VAT1L: variants seen among roughly 807,000 people sequenced by gnomAD.
VAT1L encodes the protein putative NADPH-dependent quinone oxidoreductase VAT1L.
VAT1L carries 34 observed loss-of-function variants against 44.1 expected under a neutral mutation model. The ratio of observed to expected loss-of-function variants is 0.77; its 90% CI spans 0.59 to 1.03. The LOEUF (loss-of-function observed/expected upper bound fraction) is 1.03. Among genes scored for constraint, VAT1L ranks in the 50% least tolerant of loss-of-function variants. The pLI is 0.00. For synonymous variants in VAT1L, 253 were observed against 202.2 expected, an observed-to-expected ratio of 1.25 and a Z score of -2.13; for missense variants, 615 against 538.8, an observed-to-expected ratio of 1.14 and a Z score of -1.40.
At chr16:77,960,949 G>C (rs1457093483) in intron 7 of VAT1L, among the ~76,000 whole-genome samples, 1 of 152,136 alleles carries the variant, frequency 6.6e-6, no homozygotes, top group Non-Finnish European at 1.5e-5. Context: ...ACTTCATTGA[G>C]AGCATGAACT....
intron 7 of VAT1L, among the ~76,000 whole-genome samples, chr16:77,921,356 T>C (rs375769137): frequency 2.0e-5 from 3 of 152,190 alleles, no homozygotes; most frequent in Admixed American, 2.0e-4. Context: ...AGCAGCTCTA[T>C]TGTGTATCTC....
rs535788187 is a variant in VAT1L at position 77,898,557 on chromosome 16, T to C, written c.1077+13755T>C. Among the ~76,000 whole-genome samples the C allele has an allele frequency of 2.6e-5, 4 of 152,276 alleles. No homozygotes were observed. The East Asian group carries it at 7.7e-4, about 29-fold the overall frequency. Reference sequence around the variant, plus strand: ...TGCTTTGCTATCTGTGAAATGAAGATGATAGCAGGGCCTCCTCTGTGGGGT... The same window carrying C: ...TGCTTTGCTATCTGTGAAATGAAGACGATAGCAGGGCCTCCTCTGTGGGGT... On this transcript the variant is annotated intron_variant, in intron 7 of 8. Transcript: ENST00000302536.
Position 77,798,523 on chromosome 16 carries a change from A to G in VAT1L, c.233+9608A>G, listed in dbSNP as rs181069806. Among the ~76,000 whole-genome samples, 41 of 152,328 alleles carry G rather than the reference A, an allele frequency of 2.7e-4. 1 individual carries two copies. Among genetic ancestry groups the G allele is most frequent in the Non-Finnish European group, 2.6e-4 (18 of 68,028 alleles). On this transcript the variant is annotated intron_variant, in intron 1 of 8. Transcript: ENST00000302536. ...TGTTGATACATTTCATATTTGTTGA[A>G]TGAATGAATAAATGAAGTGTGTGTG...
At chr16:77,801,851 T>A (rs555343796) in intron 1 of VAT1L, 1 of 152,336 alleles carries the variant, frequency 6.6e-6, no homozygotes, top group East Asian at 1.9e-4. Flanking sequence ...AATGATTTTC[T>A]AATTGGTTTC....
chr16:77,852,951 A>C (rs538758486), intron 3 of VAT1L, among the ~76,000 whole-genome samples: 1 of 152,296 alleles, frequency 6.6e-6, no homozygotes, highest in East Asian at 1.9e-4. Context: ...ATGAGCTATT[A>C]TTTACAGGGT....
chr16:77,867,546 A>T (rs916850538), intron 4 of VAT1L, among the ~76,000 whole-genome samples: 1 of 152,116 alleles, frequency 6.6e-6, no homozygotes, highest in African/African-American at 2.4e-5. Context: ...TTAGAAACTT[A>T]AAATATCATG....
intron 3 of VAT1L, among the ~76,000 whole-genome samples, chr16:77,844,696 A>C (rs2016741575): frequency 6.6e-6 from 1 of 152,130 alleles, no homozygotes; most frequent in Non-Finnish European, 1.5e-5. Flanking sequence ...GGCGTGAGCC[A>C]CCACATCTGC....
chr16:77,869,464 C>T (rs913477762), intron 4 of VAT1L, among the ~76,000 whole-genome samples: 3 of 152,134 alleles, frequency 2.0e-5, no homozygotes, highest in African/African-American at 7.2e-5. Flanking sequence ...AGCTTGAGGC[C>T]AGGAGTTTGA....
At chr16:77,895,602 C>G (rs1190020205) in intron 7 of VAT1L, among the ~76,000 whole-genome samples, 1 of 152,158 alleles carries the variant, frequency 6.6e-6, no homozygotes, top group Non-Finnish European at 1.5e-5. Context: ...AATTAAGGAG[C>G]CAGCCCTGTT....
chr16:77,904,184 CT>C (rs59219677), intron 7 of VAT1L, among the ~76,000 whole-genome samples: 27,169 of 135,230 alleles, frequency 0.2, 2,640 homozygotes, highest in African/African-American at 0.24. Flanking sequence ...TACTGATTTG[CT>C]TTTTTTTTTT....
At chr16:77,851,204 G>C (rs13333813) in intron 3 of VAT1L, among the ~76,000 whole-genome samples, 8,365 of 152,250 alleles carry the variant, frequency 0.055, 446 homozygotes, top group East Asian at 0.28. Context: ...TGGTAGGGTA[G>C]AGCAGGGGCA....
intron 7 of VAT1L, among the ~76,000 whole-genome samples, chr16:77,955,392 G>A (rs2018091541): frequency 6.6e-6 from 1 of 152,120 alleles, no homozygotes; most frequent in South Asian, 2.1e-4. Context: ...GAGTTATCTG[G>A]GCCAAAATGC....
At chr16:77,811,507 C>G (rs1045772280) in intron 1 of VAT1L, among the ~76,000 whole-genome samples, 1 of 152,100 alleles carries the variant, frequency 6.6e-6, no homozygotes, top group African/African-American at 2.4e-5. Flanking sequence ...GCCTGGTGGT[C>G]AGAACTCAAG....
At chr16:77,829,314 GC>G (rs2016555302) in intron 3 of VAT1L, among the ~76,000 whole-genome samples, 2 of 152,188 alleles carry the variant, frequency 1.3e-5, no homozygotes, top group African/African-American at 4.8e-5. Flanking sequence ...AATAGCTGGG[GC>G]AAAGTTTCCT....
intron 7 of VAT1L, among the ~76,000 whole-genome samples, chr16:77,923,593 T>C (rs940215955): frequency 6.6e-6 from 1 of 152,138 alleles, no homozygotes; most frequent in Admixed American, 6.6e-5. Flanking sequence ...TTCTGTAGAA[T>C]TTCTTTGGTA....
chr16:77,906,578 G>C (rs1323233229), intron 7 of VAT1L, among the ~76,000 whole-genome samples: 1 of 152,146 alleles, frequency 6.6e-6, no homozygotes, highest in South Asian at 2.1e-4. Context: ...AGGAAGGATG[G>C]GTTATCAAAG....
At chr16:77,810,014 A>G (rs949863793) in intron 1 of VAT1L, among the ~76,000 whole-genome samples, 3 of 152,362 alleles carry the variant, frequency 2.0e-5, no homozygotes, top group East Asian at 3.9e-4. Flanking sequence ...TGAAAGAATT[A>G]GAATTCAAGA....
At chr16:77,860,184 C>G (rs528157716) in intron 3 of VAT1L, among the ~76,000 whole-genome samples, 4 of 152,180 alleles carry the variant, frequency 2.6e-5, no homozygotes, top group Non-Finnish European at 4.4e-5. Context: ...AGACTTTGAG[C>G]CTCCAGAACT....
chr16:77,869,184 G>A (rs1018282876), intron 4 of VAT1L, among the ~76,000 whole-genome samples: 6 of 152,108 alleles, frequency 3.9e-5, no homozygotes, highest in Non-Finnish European at 8.8e-5. Context: ...GAAGGAGAAC[G>A]AGAGAATGAC....
Sources: allele counts gnomAD v4.1 joint callset (sites outside exome capture counted in the v4.1 genomes callset), GRCh38; gene constraint gnomAD v4.1.1; transcripts MANE v1.5; gene names NCBI Gene and HGNC (gene_info 2026-07-23, HGNC 2026-07-21).